PDCD2L: variants seen among roughly 807,000 people sequenced by gnomAD.
PDCD2L encodes the protein programmed cell death 2 like.
In PDCD2L, 44 loss-of-function variants were observed where a neutral mutation model predicts 40.4. The ratio of observed to expected loss-of-function variants is 1.09; its 90% CI spans 0.86 to 1.40. PDCD2L has a LOEUF of 1.40. PDCD2L is among the 40% of genes most tolerant of loss of function. The pLI is 0.00. For missense variants in PDCD2L, 470 were observed against 453.7 expected (o/e 1.04, Z -0.33); for synonymous variants, 194 against 174.6 (o/e 1.11, Z -0.88).
At chr19:34,419,070 A>G (rs2075137558) in intron 5 of PDCD2L, among the ~76,000 whole-genome samples, 1 of 152,200 alleles carries the variant, frequency 6.6e-6, no homozygotes, top group Admixed American at 6.5e-5. Context: ...AATTTTGATC[A>G]AGTTCAACTT....
In PDCD2L at chr19:34,409,296, T is replaced by C. The variant is rs780505061; in HGVS notation, c.472T>C (p.Trp158Arg). Reference sequence around the variant, plus strand: ...TGCCAGCAGTGCCAAAGACGTAGACTGGACTGCTCGGCTCCAAGACCTCCG... The same window carrying C: ...TGCCAGCAGTGCCAAAGACGTAGACCGGACTGCTCGGCTCCAAGACCTCCG... ...NDASSAKDVD[W>R]TARLQDLRLQ... The change falls in exon 4 of 7, where the codon TGG becomes CGG. Residue 158 changes from tryptophan to arginine, a missense_variant. By Grantham distance (101) the Trp-to-Arg change is moderately radical (BLOSUM62 -3). Transcript: ENST00000246535. The C allele has an allele frequency of 6.2e-7, 1 of 1,614,156 alleles. No individual in the cohort carries two copies. The highest frequency in any genetic ancestry group is 8.5e-7 in the Non-Finnish European group (1 of 1,180,048).
chr19:34,411,844 G>A (rs535889818), intron 4 of PDCD2L, among the ~76,000 whole-genome samples: 1 of 151,222 alleles, frequency 6.6e-6, no homozygotes, highest in African/African-American at 2.4e-5. Context: ...TAGTAGAGAT[G>A]GGGCTTCACC....
chr19:34,418,315 C>G (rs2075134799), intron 5 of PDCD2L, among the ~76,000 whole-genome samples: 1 of 152,218 alleles, frequency 6.6e-6, no homozygotes, highest in Non-Finnish European at 1.5e-5. Context: ...CCCCTAGTCC[C>G]CAGGCAACCG....
rs1426128222 is a variant in PDCD2L at position 34,404,834 on chromosome 19, G to C, written c.275+19G>C. 1 of 1,603,848 alleles carries C rather than the reference G, an allele frequency of 6.2e-7. No homozygotes were observed. Among genetic ancestry groups the C allele is most frequent in the Non-Finnish European group, 8.5e-7 (1 of 1,176,530 alleles). On this transcript the variant is annotated intron_variant, in intron 2 of 6. Transcript: ENST00000246535. The stretch of plus-strand genomic sequence containing the variant: ...CGCGCAGGTAGGCGGGGAAGTCCCA[G>C]AGCTGCTCCAGGGGTGTCCTTTCCA...
intron 6 of PDCD2L, 194 bp downstream of exon 6, chr19:34,421,861 G>A (rs891660056): frequency 2.2e-5 from 11 of 499,682 alleles, no homozygotes; most frequent in Middle Eastern, 6.6e-4. Flanking sequence ...AGGCCAAGGC[G>A]GGTGGATCAC....
At position 34,419,773 on chromosome 19, in the gene PDCD2L, CTTTTT is replaced by C. The variant is rs754032924; in HGVS notation, c.798-1729_798-1725del. On this transcript the variant is annotated intron_variant, in intron 5 of 6. Coordinates refer to ENST00000246535, the MANE Select transcript of PDCD2L (RefSeq NM_032346.2). ...CTTTTATTTTTAACTCTTTATGTTG[CTTTTT>C]TTTTTTTTTTTTTTTTAAGAGATTG... Among the ~76,000 whole-genome samples the C allele has an allele frequency of 2.2e-3, 80 of 36,638 alleles. 2 individuals carry two copies. Among genetic ancestry groups the C allele is most frequent in the African/African-American group, 7.8e-3 (73 of 9,384 alleles). The allele number at this position is 36,638 out of a possible 152,430, so 24.0% of individuals were successfully genotyped here. A position where few individuals can be genotyped will look rare whatever the true frequency, so the allele number is the denominator to read the frequency against.
At chr19:34,417,738 T>C (rs997318442) in intron 5 of PDCD2L, among the ~76,000 whole-genome samples, 1 of 152,180 alleles carries the variant, frequency 6.6e-6, no homozygotes, top group African/African-American at 2.4e-5. Context: ...AGAGAGAAGA[T>C]GGTATCTTTG....
At chr19:34,424,546 T>C (rs10853936) in intron 6 of PDCD2L, among the ~76,000 whole-genome samples, 125,082 of 151,940 alleles carry the variant, frequency 0.82, 52,815 homozygotes, top group Non-Finnish European at 0.92. Context: ...TTATACTTCC[T>C]GGGTCTTGGG....
At chr19:34,421,894 C>G in intron 6 of PDCD2L, 1 of 363,682 alleles carries the variant, frequency 2.7e-6, no homozygotes, top group Non-Finnish European at 5.0e-6. Context: ...TCGAGGCCAT[C>G]CTGGCCAATG....
At chr19:34,405,403 C>G (rs1261441896) in intron 3 of PDCD2L, among the ~76,000 whole-genome samples, 1 of 151,540 alleles carries the variant, frequency 6.6e-6, no homozygotes, top group East Asian at 2.0e-4. Flanking sequence ...GCCTCGGCCT[C>G]CCAAAGTGCT....
In PDCD2L at chr19:34,409,152, T is replaced by C. The variant is rs781535410; in HGVS notation, c.337-9T>C. The C allele has an allele frequency of 6.2e-7, 1 of 1,605,872 alleles. No individual in the cohort carries two copies. The highest frequency in any genetic ancestry group is 1.1e-5 in the South Asian group (1 of 90,766). The stretch of plus-strand genomic sequence containing the variant: ...GTGCTCGGACCTCATTCACTGAGTA[T>C]TTTTCCAGAAACAGGGAAACAGCCT... On this transcript the variant is annotated splice_polypyrimidine_tract_variant and intron_variant, in intron 3 of 6. Transcript: ENST00000246535.
At chr19:34,404,618 C>G in intron 1 of PDCD2L, 31 bp from the exon 2 acceptor site, 1 of 1,602,866 alleles carries the variant, frequency 6.2e-7, no homozygotes, top group East Asian at 2.2e-5. Flanking sequence ...TGGGGGGAGT[C>G]GGGGTCTGAG....
chr19:34,425,950 A>T, intron 6 of PDCD2L, 40 bp from the exon 7 acceptor site: 1 of 1,595,630 alleles, frequency 6.3e-7, no homozygotes, highest in South Asian at 1.1e-5. Flanking sequence ...CAGTCTCATA[A>T]CTCTTTTTGC....
intron 3 of PDCD2L, among the ~76,000 whole-genome samples, chr19:34,405,797 A>C (rs2075072047): frequency 6.6e-6 from 1 of 151,950 alleles, no homozygotes; most frequent in Admixed American, 6.6e-5. Context: ...TCCCAGCTAC[A>C]AGGGAGGTTG....
chr19:34,416,918 A>T (rs1228207330), intron 5 of PDCD2L, among the ~76,000 whole-genome samples: 2 of 152,306 alleles, frequency 1.3e-5, no homozygotes, highest in South Asian at 2.1e-4. Flanking sequence ...GATCGAGACC[A>T]TTCCAGCCAA....
chr19:34,409,328 G>A lies in PDCD2L; in HGVS notation c.504G>A (p.Gln168=). The change falls in exon 4 of 7, where the codon CAG becomes CAA. Residue 168 remains glutamine, a synonymous_variant. Coordinates refer to ENST00000246535, the MANE Select transcript of PDCD2L (RefSeq NM_032346.2). The stretch of plus-strand genomic sequence containing the variant: ...CTCGGCTCCAAGACCTCCGCCTGCA[G>A]GATGCTGTCCTGGGTGCTGCCCATC... ...WTARLQDLRL[Q]DAVLGAAHPV... 1 of 1,614,112 alleles carries A rather than the reference G, an allele frequency of 6.2e-7. No individual in the cohort carries two copies. Among genetic ancestry groups the A allele is most frequent in the Non-Finnish European group, 8.5e-7 (1 of 1,180,030 alleles).
intron 4 of PDCD2L, 67 bp downstream of exon 4, chr19:34,409,577 C>G (rs2075093233): frequency 1.4e-6 from 2 of 1,410,902 alleles, no homozygotes; most frequent in South Asian, 1.3e-5. Context: ...AGTTACCCTT[C>G]AGTTTCACCA....
chr19:34,405,902 C>G (rs781634602), intron 3 of PDCD2L, among the ~76,000 whole-genome samples: 2 of 149,902 alleles, frequency 1.3e-5, no homozygotes, highest in Admixed American at 1.3e-4. Flanking sequence ...TCCGTAAAAA[C>G]AAAACAAAAC....
chr19:34,425,050 C>G (rs1053438950), intron 6 of PDCD2L, among the ~76,000 whole-genome samples: 9 of 152,070 alleles, frequency 5.9e-5, no homozygotes, highest in Non-Finnish European at 1.3e-4. Flanking sequence ...TGTGCCCAGC[C>G]AATGCATACA....
Sources: allele counts gnomAD v4.1 joint callset (sites outside exome capture counted in the v4.1 genomes callset), GRCh38; gene constraint gnomAD v4.1.1; transcripts MANE v1.5; gene names NCBI Gene and HGNC (gene_info 2026-07-23, HGNC 2026-07-21).